ARFGEF1: variants seen among roughly 807,000 people sequenced by gnomAD.
ARFGEF1 encodes the protein ARF guanine nucleotide exchange factor 1.
A neutral mutation model predicts 231.0 loss-of-function variants in ARFGEF1; 42 were observed. The ratio of observed to expected loss-of-function variants is 0.18; its 90% confidence interval spans 0.14 to 0.24. The LOEUF (loss-of-function observed/expected upper bound fraction) is 0.24, where lower values mean the gene tolerates loss of function less well. ARFGEF1 is among the 10% of genes least tolerant of loss of function. The pLI is 1.00. For missense variants in ARFGEF1, 1,345 were observed against 2,192.0 expected, an observed-to-expected ratio of 0.61 and a Z score of 7.72; for synonymous variants, 710 against 732.3, an observed-to-expected ratio of 0.97 and a Z score of 0.49.
At chr8:67,292,479 G>A (rs562681259) in intron 5 of ARFGEF1, among the ~76,000 whole-genome samples, 13 of 152,178 alleles carry the variant, frequency 8.5e-5, no homozygotes, top group African/African-American at 2.9e-4. Flanking sequence ...CCTATAGAGG[G>A]TAGAGATTAG....
chr8:67,310,315 T>C (rs1224898685), intron 1 of ARFGEF1, among the ~76,000 whole-genome samples: 1 of 152,100 alleles, frequency 6.6e-6, no homozygotes, highest in Non-Finnish European at 1.5e-5. Flanking sequence ...GCCGGGCCGG[T>C]CTCCAGCCCT....
At chr8:67,217,279 G>C (rs1169104358) in intron 32 of ARFGEF1, among the ~76,000 whole-genome samples, 1 of 148,302 alleles carries the variant, frequency 6.7e-6, no homozygotes, top group East Asian at 2.0e-4. Flanking sequence ...ACTCCAGCCT[G>C]GTAAACATGA....
At chr8:67,270,153 C>T (rs1805017540) in intron 10 of ARFGEF1, among the ~76,000 whole-genome samples, 2 of 152,112 alleles carry the variant, frequency 1.3e-5, no homozygotes, top group Admixed American at 1.3e-4. Context: ...TGGGGAAAAA[C>T]TATCTAAAAA....
At position 67,340,488 on chromosome 8, in the gene ARFGEF1, A is replaced by C. The variant is rs529345966; in HGVS notation, c.124+2676T>G. On this transcript the variant is annotated intron_variant, in intron 1 of 38. Coordinates refer to ENST00000262215, the MANE Select transcript of ARFGEF1 (RefSeq NM_006421.5). ...AGGTCTCAATAGTGAAGTGGAGAAGATAAGTCTCTAACGGTCTTCAAGGAC... is the reference window on the plus strand; with the variant it reads ...AGGTCTCAATAGTGAAGTGGAGAAGCTAAGTCTCTAACGGTCTTCAAGGAC... 1.2e-3 allele frequency among the ~76,000 whole-genome samples: 188 copies of C among 152,368 alleles called. 1 individual carries two copies. Among genetic ancestry groups the C allele is most frequent in the African/African-American group, 4.4e-3 (183 of 41,582 alleles).
At position 67,219,333 on chromosome 8, in the gene ARFGEF1, C is replaced by A. The variant is rs918411509; in HGVS notation, c.4338+98G>T. On this transcript the variant is annotated intron_variant, in intron 30 of 38. Transcript: ENST00000262215. Reference sequence around the variant, plus strand: ...CTTAAAGAAAAATTTTCTAGGAATTCTTTTCTGTACTTAATTTGAAACACT... The same window carrying A: ...CTTAAAGAAAAATTTTCTAGGAATTATTTTCTGTACTTAATTTGAAACACT... 14 of 1,387,924 alleles carry A rather than the reference C, an allele frequency of 1.0e-5. No homozygotes were observed. In the African/African-American group the frequency reaches 1.6e-4, roughly 16 times the overall value. The allele number at this position is 1,387,924 out of a possible 1,614,324, so 86.0% of individuals were successfully genotyped here.
intron 1 of ARFGEF1, among the ~76,000 whole-genome samples, chr8:67,315,558 C>A (rs376103115): frequency 2.0e-5 from 3 of 151,722 alleles, no homozygotes; most frequent in Admixed American, 1.3e-4. Flanking sequence ...TCTTTTTTTC[C>A]GAGTAAAGTG....
intron 1 of ARFGEF1, among the ~76,000 whole-genome samples, chr8:67,333,740 T>A (rs1390161451): frequency 6.6e-6 from 1 of 152,174 alleles, no homozygotes; most frequent in Non-Finnish European, 1.5e-5. Flanking sequence ...TGAAACTTTT[T>A]GAGAACTGAC....
chr8:67,239,367 G>T (rs1276758180), intron 20 of ARFGEF1, among the ~76,000 whole-genome samples: 2 of 152,058 alleles, frequency 1.3e-5, no homozygotes, highest in Admixed American at 1.3e-4. Context: ...TCAGTAACTT[G>T]TAAGTTTAGT....
At chr8:67,329,576 A>AT (rs1236344014) in intron 1 of ARFGEF1, among the ~76,000 whole-genome samples, 33 of 150,520 alleles carry the variant, frequency 2.2e-4, no homozygotes, top group African/African-American at 7.3e-4. Context: ...AAATAAATAA[A>AT]AAGAATTTTT....
At position 67,251,256 on chromosome 8, in the gene ARFGEF1, T is replaced by C. The variant is rs760954984; in HGVS notation, c.2850+43A>G. ...TAAAAATATTATAAATGTAGTTATA[T>C]ATAAATGTACACTGCAATCAAACAT... On this transcript the variant is annotated intron_variant, in intron 19 of 38. Coordinates refer to ENST00000262215, the MANE Select transcript of ARFGEF1 (RefSeq NM_006421.5). 2.0e-6 allele frequency: 3 copies of C among 1,513,214 alleles called. No individual in the cohort carries two copies. The East Asian group carries it at 7.1e-5, about 36-fold the overall frequency. The allele number at this position is 1,513,214 out of a possible 1,614,324, so 93.7% of individuals were successfully genotyped here.
At chr8:67,247,684 A>G (rs1006226225) in intron 19 of ARFGEF1, among the ~76,000 whole-genome samples, 2 of 150,580 alleles carry the variant, frequency 1.3e-5, no homozygotes, top group Non-Finnish European at 3.0e-5. Flanking sequence ...CACCACTGTT[A>G]TTCAACAAAG....
rs1243824413 is a variant in ARFGEF1, at chr8:67,343,651, G to A, written c.-364C>T. On this transcript the variant is annotated 5_prime_UTR_variant, in exon 1 of 39. Transcript: ENST00000262215. ...CTGTCTGCCGGGAACTGAGGGACGA[G>A]GTGGCGGCGGCTCTCAGAGGCACCG... 6.0e-6 allele frequency: 6 copies of A among 1,006,454 alleles called. No individual in the cohort carries two copies. The highest frequency in any genetic ancestry group is 7.1e-6 in the Non-Finnish European group (6 of 840,658). 62.3% of individuals were successfully genotyped at this position (1,006,454 alleles called of 1,614,324 possible). A position where few individuals can be genotyped will look rare whatever the true frequency, so the allele number is the denominator to read the frequency against.
At position 67,343,385 on chromosome 8, in the gene ARFGEF1, G is replaced by T. The variant is rs1368597195; in HGVS notation, c.-98C>A. Reference sequence around the variant, plus strand: ...AAGGAAGAGAAGAGAGAAAGGAGAGGGGGTGGAGGTGGGGGATTGGAGGCG... The same window carrying T: ...AAGGAAGAGAAGAGAGAAAGGAGAGTGGGTGGAGGTGGGGGATTGGAGGCG... On this transcript the variant is annotated 5_prime_UTR_variant, in exon 1 of 39. Coordinates refer to ENST00000262215, the MANE Select transcript of ARFGEF1 (RefSeq NM_006421.5). 30 of 1,517,902 alleles carry T rather than the reference G, an allele frequency of 2.0e-5. No individual in the cohort carries two copies. Among genetic ancestry groups the T allele is most frequent in the Admixed American group, 3.9e-5 (2 of 51,778 alleles). 94.0% of individuals were successfully genotyped at this position (1,517,902 alleles called of 1,614,324 possible).
chr8:67,277,243 T>A (rs1212739208), intron 8 of ARFGEF1, 39 bp downstream of exon 8: 1 of 1,596,102 alleles, frequency 6.3e-7, no homozygotes. Context: ...TTTGTAAGAT[T>A]AACAGGATTT....
At chr8:67,321,521 T>C (rs996160496) in intron 1 of ARFGEF1, among the ~76,000 whole-genome samples, 2 of 152,128 alleles carry the variant, frequency 1.3e-5, no homozygotes, top group African/African-American at 2.4e-5. Context: ...AGTGCAGTGG[T>C]GCAATCTCGG....
intron 14 of ARFGEF1, among the ~76,000 whole-genome samples, chr8:67,265,181 A>C (rs1461707582): frequency 6.6e-6 from 1 of 152,170 alleles, no homozygotes; most frequent in Non-Finnish European, 1.5e-5. Flanking sequence ...AAGATTTTGT[A>C]ATTTTAAAAT....
At chr8:67,253,151 T>C (rs532003686) in intron 18 of ARFGEF1, among the ~76,000 whole-genome samples, 5 of 152,342 alleles carry the variant, frequency 3.3e-5, no homozygotes, top group Admixed American at 3.3e-4. Flanking sequence ...CCAAACTCTA[T>C]TATAATATTT....
At chr8:67,326,861 T>C (rs1247034016) in intron 1 of ARFGEF1, among the ~76,000 whole-genome samples, 1 of 152,220 alleles carries the variant, frequency 6.6e-6, no homozygotes, top group Non-Finnish European at 1.5e-5. Context: ...TGTATAAATA[T>C]TTCCTAGTCA....
intron 6 of ARFGEF1, 77 bp downstream of exon 6, chr8:67,291,770 A>T: frequency 6.6e-7 from 1 of 1,512,904 alleles, no homozygotes; most frequent in Middle Eastern, 1.8e-4. Context: ...TATCCTTTCA[A>T]CATTTCTTCA....
Sources: allele counts gnomAD v4.1 joint callset (sites outside exome capture counted in the v4.1 genomes callset), GRCh38; gene constraint gnomAD v4.1.1; transcripts MANE v1.5; gene names NCBI Gene and HGNC (gene_info 2026-07-23, HGNC 2026-07-21).